FLRT3: variants seen among roughly 807,000 people sequenced by gnomAD.
The protein encoded by FLRT3 is fibronectin leucine rich transmembrane protein 3.
Under a neutral mutation model 42.6 loss-of-function variants are expected in FLRT3, and 17 were observed. The ratio of observed to expected loss-of-function variants is 0.40; its 90% CI spans 0.27 to 0.60. The LOEUF is 0.60. Ranked by LOEUF, FLRT3 falls within the 20% of genes least tolerant of loss-of-function variation. FLRT3 has a pLI of 0.44. For missense variants in FLRT3, 635 were observed against 789.2 expected (o/e 0.80, Z 2.34); for synonymous variants, 279 against 286.4 (o/e 0.97, Z 0.26).
chr20:14,326,631 A>G lies in FLRT3; in HGVS notation c.876T>C (p.Asp292=), dbSNP rs1258135210. ...NLSNLPQGIF[D]DLDNITQLIL... ...TCAGTTGTGTTATATTGTCCAAATC[A>G]TCAAAGATACCCTGAGGTAAATTAC... Residue 292 remains aspartate, a synonymous_variant, in exon 3 of 3, where the codon GAT becomes GAC. Coordinates refer to ENST00000341420, the MANE Select transcript of FLRT3 (RefSeq NM_198391.3). This position sits in a 1 kb window ranked among gnomAD's most constrained non-coding sequence, Gnocchi z 5.5. 1.2e-6 allele frequency: 2 copies of G among 1,613,854 alleles called. No individual in the cohort carries two copies. The highest frequency in any genetic ancestry group is 8.5e-7 in the Non-Finnish European group (1 of 1,179,832).
At position 14,325,470 on chromosome 20, in the gene FLRT3, G is replaced by T; in HGVS notation, c.*87C>A. The T allele has an allele frequency of 7.4e-7, 1 of 1,344,078 alleles. No individual in the cohort carries two copies. Among genetic ancestry groups the T allele is most frequent in the Non-Finnish European group, 1.0e-6 (1 of 981,932 alleles). The allele number at this position is 1,344,078 out of a possible 1,614,324, so 83.3% of individuals were successfully genotyped here. ...TGCTTTTTTTCAGTCTCTTTTTCCA[G>T]TGTTTTGCAGTAGAACAGGGTTCCT... On this transcript the variant is annotated 3_prime_UTR_variant, in exon 3 of 3. Coordinates refer to ENST00000341420, the MANE Select transcript of FLRT3 (RefSeq NM_198391.3).
At chr20:14,333,687 A>C (rs550377684) in intron 1 of FLRT3, among the ~76,000 whole-genome samples, 1 of 152,226 alleles carries the variant, frequency 6.6e-6, no homozygotes, top group Admixed American at 6.5e-5. Flanking sequence ...TTAAGTTTCC[A>C]TACAGTAGTT....
chr20:14,332,371 C>G (rs760354036), intron 1 of FLRT3, among the ~76,000 whole-genome samples: 2 of 151,960 alleles, frequency 1.3e-5, no homozygotes, highest in Non-Finnish European at 2.9e-5. Context: ...CAAGAGCTTG[C>G]GGCAATCTAC....
At chr20:14,334,112 A>C (rs2082893350) in intron 1 of FLRT3, among the ~76,000 whole-genome samples, 1 of 152,200 alleles carries the variant, frequency 6.6e-6, no homozygotes, top group South Asian at 2.1e-4. Context: ...AAACAAATGA[A>C]ATTTTAGCTT....
At position 14,326,148 on chromosome 20, in the gene FLRT3, T is replaced by C; in HGVS notation, c.1359A>G (p.Thr453=). ...LGHSPAFGSI[T]ETIVTGERSE... Reference sequence around the variant, plus strand: ...TGCGTTCCCCTGTTACAATTGTTTCTGTTATAGATCCAAATGCCGGGCTAT... The same window carrying C: ...TGCGTTCCCCTGTTACAATTGTTTCCGTTATAGATCCAAATGCCGGGCTAT... The change falls in exon 3 of 3, where the codon ACA becomes ACG. Residue 453 remains threonine (T), a synonymous_variant. Coordinates refer to ENST00000341420, the MANE Select transcript of FLRT3 (RefSeq NM_198391.3). This position sits in a 1 kb window ranked among gnomAD's most constrained non-coding sequence, Gnocchi z 5.5. 2 of 1,613,890 alleles carry C rather than the reference T, an allele frequency of 1.2e-6. No homozygotes were observed. Among genetic ancestry groups the C allele is most frequent in the African/African-American group, 2.7e-5 (2 of 75,040 alleles).
intron 1 of FLRT3, among the ~76,000 whole-genome samples, chr20:14,334,914 C>T (rs2082909987): frequency 6.6e-6 from 1 of 151,886 alleles, no homozygotes; most frequent in Non-Finnish European, 1.5e-5. Context: ...ATATAGCCCA[C>T]CCACCTTAAA....
chr20:14,327,327 A>G lies in FLRT3; in HGVS notation c.180T>C (p.Ala60=). The G allele has an allele frequency of 6.2e-7, 1 of 1,613,832 alleles. No individual in the cohort carries two copies. Among genetic ancestry groups the G allele is most frequent in the Non-Finnish European group, 8.5e-7 (1 of 1,179,782 alleles). Residue 60 remains alanine, a synonymous_variant, in exon 3 of 3, where the codon GCT becomes GCC. Coordinates refer to ENST00000341420, the MANE Select transcript of FLRT3 (RefSeq NM_198391.3). The stretch of plus-strand genomic sequence containing the variant: ...GGTTGTTCTGAAGGTAGAGAGTTGT[A>G]GCATCCTCTGGTATTCCTGTTGGAA... ...TSIPTGIPED[A]TTLYLQNNQI...
rs1338663474 is a variant in FLRT3, at chr20:14,327,447, T to A, written c.60A>T (p.Gln20His). 1.2e-6 allele frequency: 2 copies of A among 1,613,370 alleles called. No individual in the cohort carries two copies. Among genetic ancestry groups the A allele is most frequent in the Non-Finnish European group, 1.7e-6 (2 of 1,179,608 alleles). Reference protein sequence around the residue: ...LIGTKIGLFLQVAPLSVMAKS... With the variant: ...LIGTKIGLFLHVAPLSVMAKS... ...TAGCCATAACTGATAGAGGTGCTAC[T>A]TGAAGGAACAGCCCAATTTTAGTCC... Residue 20 changes from glutamine to histidine, a missense_variant, in exon 3 of 3, where the codon CAA (glutamine) becomes CAT (histidine). Transcript: ENST00000341420.
Position 14,327,088 on chromosome 20 carries a change from A to C in FLRT3, c.419T>G (p.Val140Gly). 1 of 1,613,788 alleles carries C rather than the reference A, an allele frequency of 6.2e-7. No individual in the cohort carries two copies. Among genetic ancestry groups the C allele is most frequent in the Non-Finnish European group, 8.5e-7 (1 of 1,179,792 alleles). Residue 140 changes from valine to glycine, a missense_variant, in exon 3 of 3, where the codon GTC becomes GGC. By Grantham distance (109) the Val-to-Gly change is moderately radical. Coordinates refer to ENST00000341420, the MANE Select transcript of FLRT3 (RefSeq NM_198391.3). ...TCCCTCTTCTATGCTAACTGCAGAG[A>C]CAGAGTTGTCATCTAAATGTAATTC... ...LEELHLDDNSVSAVSIEEGAF... is the reference protein window; with the variant it reads ...LEELHLDDNSGSAVSIEEGAF...
intron 1 of FLRT3, among the ~76,000 whole-genome samples, chr20:14,333,245 C>T (rs892071584): frequency 6.6e-6 from 1 of 152,054 alleles, no homozygotes; most frequent in Non-Finnish European, 1.5e-5. Context: ...ATAAAATTTC[C>T]AATGCTAAGT....
chr20:14,332,119 A>G (rs1357336247), intron 1 of FLRT3, among the ~76,000 whole-genome samples: 1 of 152,152 alleles, frequency 6.6e-6, no homozygotes, highest in Non-Finnish European at 1.5e-5. Context: ...AAGAAGAAAA[A>G]CATAACCACC....
Position 14,325,443 on chromosome 20 carries a change from A to C in FLRT3, c.*114T>G. The C allele has an allele frequency of 8.9e-7, 1 of 1,128,212 alleles. No homozygotes were observed. The highest frequency in any genetic ancestry group is 1.6e-5 in the South Asian group (1 of 63,368). The allele number at this position is 1,128,212 out of a possible 1,614,324, so 69.9% of individuals were successfully genotyped here. On this transcript the variant is annotated 3_prime_UTR_variant, in exon 3 of 3. Coordinates refer to ENST00000341420, the MANE Select transcript of FLRT3 (RefSeq NM_198391.3). ...AAATTATATGGCAAATGTACAGTAC[A>C]TTGCTTTTTTTCAGTCTCTTTTTCC...
chr20:14,332,099 C>G (rs1261705983), intron 1 of FLRT3, among the ~76,000 whole-genome samples: 5 of 152,030 alleles, frequency 3.3e-5, no homozygotes, highest in Non-Finnish European at 5.9e-5. Flanking sequence ...ACACTTAAAA[C>G]TGTAGTAAAA....
chr20:14,327,377 A>C lies in FLRT3; in HGVS notation c.130T>G (p.Cys44Gly). 2.5e-6 allele frequency: 4 copies of C among 1,613,774 alleles called. No individual in the cohort carries two copies. The highest frequency in any genetic ancestry group is 3.4e-6 in the Non-Finnish European group (4 of 1,179,736). The change falls in exon 3 of 3, where the codon TGT becomes GGT. Residue 44 changes from cysteine to glycine, a missense_variant. Coordinates refer to ENST00000341420, the MANE Select transcript of FLRT3 (RefSeq NM_198391.3). ...ATGGATGTCAGAAAGCGATCATTACAGTAAATGAAACCCGCATCGCAGCGA... is the reference window on the plus strand; with the variant it reads ...ATGGATGTCAGAAAGCGATCATTACCGTAAATGAAACCCGCATCGCAGCGA... ...VCRCDAGFIY[C>G]NDRFLTSIPT...
At chr20:14,336,704 G>A (rs1021330006) in intron 1 of FLRT3, among the ~76,000 whole-genome samples, 3 of 152,138 alleles carry the variant, frequency 2.0e-5, no homozygotes, top group Admixed American at 2.0e-4. Context: ...CATTTACTAT[G>A]CTAGTCACAT....
chr20:14,329,958 G>A (rs560371660), intron 1 of FLRT3, among the ~76,000 whole-genome samples: 17 of 152,002 alleles, frequency 1.1e-4, no homozygotes, highest in African/African-American at 3.9e-4. Flanking sequence ...AGGTGTTCTT[G>A]CCCAAAAGGT....
chr20:14,324,077 A>G lies in FLRT3; in HGVS notation c.*1480T>C, dbSNP rs933504103. 5.2e-5 allele frequency: 8 copies of G among 152,538 alleles called. No homozygotes were observed. Among genetic ancestry groups the G allele is most frequent in the Non-Finnish European group, 8.8e-5 (6 of 68,032 alleles). The allele number at this position is 152,538 out of a possible 1,614,324, so 9.4% of individuals were successfully genotyped here. A position where few individuals can be genotyped will look rare whatever the true frequency, so the allele number is the denominator to read the frequency against. Reference sequence around the variant, plus strand: ...ACGTTTAGGACTAATGTGCTGGGCAATTTGCTACTTAGTGATAGTAACACA... The same window carrying G: ...ACGTTTAGGACTAATGTGCTGGGCAGTTTGCTACTTAGTGATAGTAACACA... On this transcript the variant is annotated 3_prime_UTR_variant, in exon 3 of 3. Transcript: ENST00000341420.
Position 14,326,600 on chromosome 20 carries a change from G to T in FLRT3, c.907C>A (p.Arg303Ser). 6.2e-7 allele frequency: 1 copy of T among 1,613,828 alleles called. No homozygotes were observed. Among genetic ancestry groups the T allele is most frequent in the Non-Finnish European group, 8.5e-7 (1 of 1,179,836 alleles). Residue 303 changes from arginine to serine, a missense_variant, in exon 3 of 3, where the codon CGC (arginine) becomes AGC (serine). Physicochemically the swap from Arg to Ser is moderately radical, Grantham distance 110. Transcript: ENST00000341420. This position sits in a 1 kb window ranked among gnomAD's most constrained non-coding sequence, Gnocchi z 5.5. ...DLDNITQLILRNNPWYCGCKM... is the reference protein window; with the variant it reads ...DLDNITQLILSNNPWYCGCKM... ...CACCCGCAATACCAGGGATTGTTGC[G>T]AAGAATCAGTTGTGTTATATTGTCC...
chr20:14,332,814 A>G lies in FLRT3; in HGVS notation c.-246-3487T>C, dbSNP rs140953315. On this transcript the variant is annotated intron_variant, in intron 1 of 2. Transcript: ENST00000341420. ...TATTTCTAGGTAAACTGGAATTTAT[A>G]CAATCATAATTTAGAGTATTAGGAA... 1.0e-3 allele frequency among the ~76,000 whole-genome samples: 159 copies of G among 152,284 alleles called. 1 individual carries two copies. Among genetic ancestry groups the G allele is most frequent in the Non-Finnish European group, 2.0e-3 (133 of 68,018 alleles).
Sources: gnomAD v4.1 joint callset for allele counts (sites outside exome capture counted in the v4.1 genomes callset) on GRCh38, gnomAD v4.1.1 for gene constraint, Gnocchi (gnomAD v3.1) non-coding constraint, MANE v1.5 for transcripts, NCBI Gene and HGNC (gene_info 2026-07-23, HGNC 2026-07-21) for gene names.